HDAC4: variants seen among roughly 807,000 people sequenced by gnomAD.
HDAC4 encodes the protein histone deacetylase 4.
In HDAC4, 16 loss-of-function variants were observed where a neutral mutation model predicts 135.1. The ratio of observed to expected loss-of-function variants is 0.12; its 90% CI spans 0.08 to 0.18. HDAC4 has a LOEUF of 0.18. Ranked by LOEUF, HDAC4 falls within the 10% of genes least tolerant of loss-of-function variation. The pLI is 1.00. For missense variants in HDAC4, 1,143 were observed against 1,511.8 expected, an observed-to-expected ratio of 0.76 and a Z score of 4.05; for synonymous variants, 685 against 653.4, an observed-to-expected ratio of 1.05 and a Z score of -0.74.
Position 239,287,413 on chromosome 2 carries a change from G to T in HDAC4, c.23-50749C>A, listed in dbSNP as rs113107690. On this transcript the variant is annotated intron_variant, in intron 2 of 26. Coordinates refer to ENST00000543185, the MANE Select transcript of HDAC4 (RefSeq NM_001378414.1). ...GGGGTTGTATGTTTTTGGGAGGAAG[G>T]TCACAGAGACCAAGTGGCACCTCCT... is the stretch of plus-strand genomic sequence containing the variant. Among the ~76,000 whole-genome samples the T allele has an allele frequency of 4.0e-3, 614 of 152,306 alleles. 4 individuals carry two copies. Among genetic ancestry groups the T allele is most frequent in the African/African-American group, 0.014 (591 of 41,568 alleles).
chr2:239,216,553 C>CT (rs1166272721), intron 3 of HDAC4, among the ~76,000 whole-genome samples: 1 of 152,248 alleles, frequency 6.6e-6, no homozygotes, highest in Non-Finnish European at 1.5e-5. Context: ...CTTTGTTTAA[C>CT]TGAGTTTTTA....
chr2:239,253,859 A>G (rs2048915712), intron 2 of HDAC4, among the ~76,000 whole-genome samples: 2 of 152,118 alleles, frequency 1.3e-5, no homozygotes, highest in African/African-American at 4.8e-5. Flanking sequence ...GGGCGGCTGC[A>G]TATCTGGGTG....
intron 20 of HDAC4, among the ~76,000 whole-genome samples, chr2:239,082,423 G>A (rs1476100085): frequency 1.3e-5 from 2 of 152,218 alleles, no homozygotes; most frequent in Non-Finnish European, 2.9e-5. Flanking sequence ...GGTCGCAGGG[G>A]TTCTAAGGGC....
At chr2:239,272,878 C>G (rs1052349952) in intron 2 of HDAC4, among the ~76,000 whole-genome samples, 1 of 152,186 alleles carries the variant, frequency 6.6e-6, no homozygotes, top group African/African-American at 2.4e-5. Context: ...CCCTCTCGTC[C>G]CAAGCTGTCC....
Position 239,323,080 on chromosome 2 carries a change from C to A in HDAC4, c.22+29598G>T, listed in dbSNP as rs552466655. On this transcript the variant is annotated intron_variant, in intron 2 of 26. Coordinates refer to ENST00000543185, the MANE Select transcript of HDAC4 (RefSeq NM_001378414.1). ...AACAAAACAATCATGATAAGAACAA[C>A]CAGCCCCAAACATAAAGACACATGT... Among the ~76,000 whole-genome samples the A allele has an allele frequency of 5.3e-5, 8 of 152,298 alleles. No individual in the cohort carries two copies. In the South Asian group the frequency reaches 1.4e-3, roughly 28 times the overall value.
chr2:239,223,574 C>T (rs943275158), intron 3 of HDAC4, among the ~76,000 whole-genome samples: 2 of 152,162 alleles, frequency 1.3e-5, no homozygotes, highest in African/African-American at 4.8e-5. Context: ...TGTGATGTCC[C>T]CAGGGGCATT....
In HDAC4 at chr2:239,086,753, G is replaced by A. The variant is rs79716360; in HGVS notation, c.2444+806C>T. Among the ~76,000 whole-genome samples, 1,291 of 152,294 alleles carry A rather than the reference G, an allele frequency of 8.5e-3. 7 individuals carry two copies. Among genetic ancestry groups the A allele is most frequent in the Non-Finnish European group, 0.014 (974 of 68,014 alleles). On this transcript the variant is annotated intron_variant, in intron 19 of 26. Transcript: ENST00000543185. ...TGCACTTGTTCTTGCGTTGCCATCT[G>A]ACAAACTGCTGCTCCAACTCTCCAA... is the stretch of plus-strand genomic sequence containing the variant.
intron 12 of HDAC4, among the ~76,000 whole-genome samples, chr2:239,124,557 A>G (rs1431050624): frequency 2.7e-5 from 4 of 147,720 alleles, no homozygotes; most frequent in Non-Finnish European, 4.4e-5. Flanking sequence ...ATTCCACGTT[A>G]TATGACATTC....
intron 21 of HDAC4, among the ~76,000 whole-genome samples, chr2:239,081,686 G>A (rs1211099717): frequency 6.6e-6 from 1 of 152,236 alleles, no homozygotes; most frequent in East Asian, 1.9e-4. Flanking sequence ...CTGGGGCGTT[G>A]TCAAGGAGCC....
At chr2:239,401,451 C>A (rs1003938732), upstream of HDAC4, 1 of 162,732 alleles carries the variant, frequency 6.1e-6, no homozygotes, top group Non-Finnish European at 1.3e-5. Flanking sequence ...GTTGAGGAGG[C>A]GCAGGGACCG....
intron 6 of HDAC4, among the ~76,000 whole-genome samples, chr2:239,163,253 C>T (rs942011190): frequency 5.9e-5 from 9 of 152,184 alleles, no homozygotes; most frequent in Non-Finnish European, 1.3e-4. Context: ...ATTATTGAAA[C>T]GTCAGGTGGG....
chr2:239,089,199 G>C (rs1047400013), intron 18 of HDAC4, among the ~76,000 whole-genome samples: 3 of 152,206 alleles, frequency 2.0e-5, no homozygotes, highest in Admixed American at 6.5e-5. Context: ...TTCCAATTAC[G>C]TATCTGTGTG....
At chr2:239,215,903 T>C (rs1371288736) in intron 3 of HDAC4, among the ~76,000 whole-genome samples, 1 of 152,214 alleles carries the variant, frequency 6.6e-6, no homozygotes, top group Admixed American at 6.5e-5. Flanking sequence ...TTTGATAATG[T>C]GTGTTAAAGT....
chr2:239,139,868 A>G lies in HDAC4; in HGVS notation c.866-72T>C, dbSNP rs1316927491. The stretch of plus-strand genomic sequence containing the variant: ...AGGGCCGTGCTGACCTGTGGCCCGA[A>G]TGCCCGGTGCCTTCCACGGACCTGC... On this transcript the variant is annotated intron_variant, in intron 8 of 26. Transcript: ENST00000543185. The surrounding 1 kb of genome is among the most constrained non-coding windows in gnomAD (Gnocchi z 5.3). 2.3e-6 allele frequency: 3 copies of G among 1,292,186 alleles called. No individual in the cohort carries two copies. The highest frequency in any genetic ancestry group is 3.4e-6 in the Non-Finnish European group (3 of 892,304). The allele number at this position is 1,292,186 out of a possible 1,614,324, so 80.0% of individuals were successfully genotyped here. A position where few individuals can be genotyped will look rare whatever the true frequency, so the allele number is the denominator to read the frequency against.
intron 2 of HDAC4, among the ~76,000 whole-genome samples, chr2:239,239,021 C>A (rs1347981610): frequency 2.0e-5 from 3 of 152,208 alleles, no homozygotes; most frequent in Non-Finnish European, 2.9e-5. Context: ...AGACCTTGAC[C>A]TTAACATGTC....
chr2:239,055,155 G>A (rs1169909081), intron 24 of HDAC4: 2 of 348,476 alleles, frequency 5.7e-6, no homozygotes, highest in Non-Finnish European at 5.5e-6. Context: ...GGTTCCATGA[G>A]GGGGAGTGAC....
intron 2 of HDAC4, among the ~76,000 whole-genome samples, chr2:239,238,684 A>T (rs2048021125): frequency 6.6e-6 from 1 of 152,176 alleles, no homozygotes. Flanking sequence ...TGAGCCCAAA[A>T]GGCGGATCCC....
At chr2:239,350,896 G>A (rs1356986295) in intron 2 of HDAC4, among the ~76,000 whole-genome samples, 3 of 152,168 alleles carry the variant, frequency 2.0e-5, no homozygotes, top group Non-Finnish European at 4.4e-5. Context: ...TGCCTGCAGA[G>A]CATGTACAAA....
intron 1 of HDAC4, among the ~76,000 whole-genome samples, chr2:239,389,060 G>C (rs549603571): frequency 3.9e-5 from 6 of 152,278 alleles, no homozygotes; most frequent in Admixed American, 1.3e-4. Flanking sequence ...GGGACTTGGA[G>C]AATTTTTCTG....
Sources: gnomAD v4.1 joint callset for allele counts (sites outside exome capture counted in the v4.1 genomes callset) on GRCh38, gnomAD v4.1.1 for gene constraint, Gnocchi (gnomAD v3.1) non-coding constraint, MANE v1.5 for transcripts, NCBI Gene and HGNC (gene_info 2026-07-23, HGNC 2026-07-21) for gene names.